Variants in MAP4 observed in about 807,000 individuals in gnomAD.
MAP4 encodes the protein microtubule-associated protein 4.
A neutral mutation model predicts 170.2 loss-of-function variants in MAP4; 76 were observed. The ratio of observed to expected loss-of-function variants is 0.45; its 90% CI spans 0.37 to 0.54. The LOEUF is 0.54. MAP4 is among the 20% of genes least tolerant of loss of function. The pLI is 0.00. For missense variants in MAP4, 2,506 were observed against 2,748.0 expected, an observed-to-expected ratio of 0.91 and a Z score of 1.97; for synonymous variants, 909 against 994.5, an observed-to-expected ratio of 0.91 and a Z score of 1.62.
intron 1 of MAP4, among the ~76,000 whole-genome samples, chr3:48,012,358 T>C (rs763631633): frequency 3.3e-5 from 5 of 152,202 alleles, no homozygotes; most frequent in Non-Finnish European, 7.3e-5. Flanking sequence ...GATAAGAACC[T>C]GGACCTAGTT....
At chr3:47,917,610 A>G (rs2100040479) in intron 6 of MAP4, among the ~76,000 whole-genome samples, 1 of 151,722 alleles carries the variant, frequency 6.6e-6, no homozygotes, top group African/African-American at 2.4e-5. Flanking sequence ...AAAAAGAAGA[A>G]GAAGCTAATG....
At chr3:47,853,393 AGG>A (rs1553715045) in intron 19 of MAP4, 41 bp from the exon 20 acceptor site, 3 of 853,482 alleles carry the variant, frequency 3.5e-6, no homozygotes, top group Non-Finnish European at 5.1e-6. Context: ...GGGTCAGTCG[AGG>A]GGGGGAGTGG....
At chr3:48,056,517 C>T (rs2100131790) in intron 1 of MAP4, among the ~76,000 whole-genome samples, 1 of 79,472 alleles carries the variant, frequency 1.3e-5, no homozygotes, top group African/African-American at 6.6e-5. Context: ...CCCGGCCAGC[C>T]GCCCCGTCTG....
intron 2 of MAP4, among the ~76,000 whole-genome samples, chr3:47,981,912 A>T (rs1456457335): frequency 2.6e-5 from 4 of 152,218 alleles, no homozygotes; most frequent in African/African-American, 9.6e-5. Context: ...TTTAATTGAG[A>T]AAAATAACAG....
At chr3:48,062,122 G>T (rs1210324897) in intron 1 of MAP4, among the ~76,000 whole-genome samples, 1 of 152,054 alleles carries the variant, frequency 6.6e-6, no homozygotes, top group Non-Finnish European at 1.5e-5. Context: ...GAGAGAAGTG[G>T]GCATAGGAGA....
At chr3:48,088,023 G>A (rs1194356550) in intron 1 of MAP4, among the ~76,000 whole-genome samples, 1 of 152,102 alleles carries the variant, frequency 6.6e-6, no homozygotes, top group Non-Finnish European at 1.5e-5. Context: ...ACCCGTTCCT[G>A]GAAGTGAGCA....
intron 1 of MAP4, among the ~76,000 whole-genome samples, chr3:48,077,446 CAA>C (rs946132735): frequency 4.2e-5 from 3 of 70,824 alleles, no homozygotes; most frequent in Non-Finnish European, 6.0e-5. Flanking sequence ...AACTCAGTCT[CAA>C]AAAAAAAAAA....
Position 47,909,494 on chromosome 3 carries a change from C to A in MAP4, c.4927G>T (p.Asp1643Tyr), listed in dbSNP as rs377262832. ...CTATCTGAACCTTTGGAATTTCTAT[C>A]TTGAGCATTTTGGTCCTCACAAAAA... Reference protein sequence around the residue: ...LSFCEDQNAQDRNSKGSDSLN... With the variant: ...LSFCEDQNAQYRNSKGSDSLN... The change falls in exon 9 of 21, where the codon GAT (aspartate) becomes TAT (tyrosine). Residue 1643 changes from aspartate to tyrosine, a missense_variant. Asp to Tyr is a radical substitution (Grantham distance 160). Transcript: ENST00000683076. 1.9e-6 allele frequency: 3 copies of A among 1,613,672 alleles called. No individual in the cohort carries two copies. The highest frequency in any genetic ancestry group is 1.1e-5 in the South Asian group (1 of 91,076).
intron 11 of MAP4, 34 bp from the exon 12 acceptor site, chr3:47,875,934 A>G (rs956104216): frequency 2.0e-6 from 3 of 1,492,656 alleles, no homozygotes; most frequent in Non-Finnish European, 2.7e-6. Flanking sequence ...TTTTATTTTT[A>G]TTTTTTAAAG....
chr3:47,986,341 G>GT (rs1559711207), intron 2 of MAP4, among the ~76,000 whole-genome samples: 5 of 151,260 alleles, frequency 3.3e-5, no homozygotes, highest in Admixed American at 2.0e-4. Flanking sequence ...TTTTTTGGGG[G>GT]GTTTTTTTGT....
At chr3:47,891,679 G>T (rs1427971167) in intron 10 of MAP4, 2 of 1,536,380 alleles carry the variant, frequency 1.3e-6, no homozygotes, top group African/African-American at 2.7e-5. Flanking sequence ...CCTTATCATG[G>T]TCTCTGATGT....
At chr3:48,056,970 T>TC (rs2100132342) in intron 1 of MAP4, among the ~76,000 whole-genome samples, 1 of 109,190 alleles carries the variant, frequency 9.2e-6, no homozygotes, top group Admixed American at 8.5e-5. Context: ...AGCCGCCCCG[T>TC]CCGGGAGGGA....
intron 3 of MAP4, among the ~76,000 whole-genome samples, chr3:47,948,789 T>G (rs976380757): frequency 6.6e-6 from 1 of 151,800 alleles, no homozygotes; most frequent in African/African-American, 2.4e-5. Context: ...CCCAACTAAT[T>G]TTTTTGTATT....
chr3:48,016,798 A>T (rs2100108034), upstream of MAP4, among the ~76,000 whole-genome samples: 1 of 149,978 alleles, frequency 6.7e-6, no homozygotes, highest in Non-Finnish European at 1.5e-5. Context: ...TTTTTGAGAC[A>T]GGGTCTTGGC....
In MAP4 at chr3:47,912,050, C is replaced by T. The variant is rs2100036216; in HGVS notation, c.2371G>A (p.Asp791Asn). The T allele has an allele frequency of 1.3e-6, 2 of 1,536,040 alleles. No homozygotes were observed. Among genetic ancestry groups the T allele is most frequent in the African/African-American group, 2.7e-5 (2 of 73,046 alleles). The change falls in exon 9 of 21, where the codon GAT becomes AAT. Residue 791 changes from aspartate to asparagine, a missense_variant. By Grantham distance (23) the Asp-to-Asn change is conservative. This residue lies in a region of MAP4 where 2,008 missense variants were observed against 2,206.0 expected (regional missense o/e 0.91). Coordinates refer to ENST00000683076, the MANE Select transcript of MAP4 (RefSeq NM_001385682.1). ...SQPRAGGPSD[D>N]DNADKPKGHP... ...CCTTTAGGCTTATCTGCATTGTCATCATCCGAAGGTCCTCCAGCCCGTGGT... is the reference window on the plus strand; with the variant it reads ...CCTTTAGGCTTATCTGCATTGTCATTATCCGAAGGTCCTCCAGCCCGTGGT...
intron 1 of MAP4, among the ~76,000 whole-genome samples, chr3:48,050,298 C>T (rs1189779703): frequency 1.3e-5 from 2 of 149,922 alleles, no homozygotes; most frequent in Non-Finnish European, 3.0e-5. Context: ...AGGCAAATAA[C>T]GGAGTAGAAG....
rs1175956863 is a variant in MAP4 at position 47,852,880 on chromosome 3, G to T, written c.*54C>A. ...GTGTGGGGGGCGGGAGACAATGTCG[G>T]CCCCGTGGTCGGTGCGGGCCCTGGC... is the stretch of plus-strand genomic sequence containing the variant. On this transcript the variant is annotated 3_prime_UTR_variant, in exon 21 of 21. Coordinates refer to ENST00000683076, the MANE Select transcript of MAP4 (RefSeq NM_001385682.1). 11 of 1,586,696 alleles carry T rather than the reference G, an allele frequency of 6.9e-6. No homozygotes were observed. Among genetic ancestry groups the T allele is most frequent in the Non-Finnish European group, 9.4e-6 (11 of 1,166,582 alleles).
chr3:47,941,220 C>CAAAAAAA (rs745693695), intron 3 of MAP4, among the ~76,000 whole-genome samples: 1 of 45,846 alleles, frequency 2.2e-5, no homozygotes, highest in Non-Finnish European at 4.1e-5. Flanking sequence ...CTATCTCTAC[C>CAAAAAAA]AAAAAAAAAA....
At chr3:47,921,495 A>T (rs771124878) in intron 5 of MAP4, among the ~76,000 whole-genome samples, 26 of 152,152 alleles carry the variant, frequency 1.7e-4, no homozygotes, top group Non-Finnish European at 2.6e-4. Flanking sequence ...GAGACTCAAA[A>T]GTCTTTTCCT....
Sources: allele counts gnomAD v4.1 joint callset (sites outside exome capture counted in the v4.1 genomes callset), GRCh38; gene constraint gnomAD v4.1.1; regional missense constraint gnomAD v4.1.1; transcripts MANE v1.5; gene names NCBI Gene and HGNC (gene_info 2026-07-23, HGNC 2026-07-21).